Variants in SPAG16 observed in about 807,000 individuals in gnomAD.
SPAG16 encodes sperm-associated antigen 16 protein.
In SPAG16, 86 loss-of-function variants were observed where a neutral mutation model predicts 80.4. That is an observed-to-expected ratio of 1.07 (90% confidence interval 0.90 to 1.28). The LOEUF (loss-of-function observed/expected upper bound fraction) is 1.28, where lower values mean the gene tolerates loss of function less well. Ranked by LOEUF, SPAG16 falls within the 50% of genes most tolerant of loss-of-function variation. The pLI is 0.00. For synonymous variants in SPAG16, 294 were observed against 265.9 expected (o/e 1.11, Z -1.03); for missense variants, 870 against 765.3 (o/e 1.14, Z -1.61).
At chr2:214,049,180 G>T (rs1335155083) in intron 13 of SPAG16, among the ~76,000 whole-genome samples, 1 of 152,186 alleles carries the variant, frequency 6.6e-6, no homozygotes, top group East Asian at 1.9e-4. Context: ...TTTCAAAGGA[G>T]AAAATGTGCT....
chr2:213,833,801 T>C (rs2073932663), intron 10 of SPAG16, among the ~76,000 whole-genome samples: 1 of 150,236 alleles, frequency 6.7e-6, no homozygotes, highest in African/African-American at 2.5e-5. Context: ...CCATTTCCTC[T>C]GTCTCTTCAT....
At chr2:214,211,329 A>G (rs2058287659) in intron 15 of SPAG16, among the ~76,000 whole-genome samples, 1 of 152,184 alleles carries the variant, frequency 6.6e-6, no homozygotes, top group Admixed American at 6.5e-5. Context: ...TATTTTTAAC[A>G]TGGTTCTCAA....
chr2:213,361,010 T>C (rs1389094781), intron 7 of SPAG16, among the ~76,000 whole-genome samples: 8 of 152,144 alleles, frequency 5.3e-5, no homozygotes, highest in Admixed American at 3.3e-4. Context: ...CTTAAACCTA[T>C]ACCTTGCATA....
chr2:213,645,884 G>A (rs934171419), intron 10 of SPAG16, among the ~76,000 whole-genome samples: 11 of 152,218 alleles, frequency 7.2e-5, no homozygotes, highest in East Asian at 1.9e-4. Flanking sequence ...AGACAAGAGC[G>A]CTGTAGCCAT....
intron 7 of SPAG16, among the ~76,000 whole-genome samples, chr2:213,357,844 C>T (rs1178730398): frequency 6.6e-6 from 1 of 152,212 alleles, no homozygotes; most frequent in Non-Finnish European, 1.5e-5. Context: ...GCAGTTTCTT[C>T]ATAGCATTGA....
At chr2:213,641,427 C>T (rs552656634) in intron 10 of SPAG16, among the ~76,000 whole-genome samples, 28 of 152,346 alleles carry the variant, frequency 1.8e-4, no homozygotes, top group African/African-American at 6.5e-4. Flanking sequence ...CTTATGTCTG[C>T]ACTTTGCATT....
intron 9 of SPAG16, among the ~76,000 whole-genome samples, chr2:213,395,797 C>A (rs184972692): frequency 6.6e-6 from 1 of 152,320 alleles, no homozygotes; most frequent in Non-Finnish European, 1.5e-5. Context: ...TGAGTCTACA[C>A]CACTTTGGCT....
intron 15 of SPAG16, among the ~76,000 whole-genome samples, chr2:214,231,662 G>T (rs1688714132): frequency 6.6e-6 from 1 of 152,052 alleles, no homozygotes; most frequent in South Asian, 2.1e-4. Context: ...GAAAAGAGGT[G>T]ATAGGATAAG....
At chr2:213,889,882 G>A (rs1439927471) in intron 11 of SPAG16, among the ~76,000 whole-genome samples, 2 of 151,662 alleles carry the variant, frequency 1.3e-5, no homozygotes, top group African/African-American at 2.4e-5. Context: ...TACTGCTACA[G>A]CATTGTAAAG....
chr2:213,628,228 T>G (rs777477505), intron 10 of SPAG16, among the ~76,000 whole-genome samples: 2 of 152,254 alleles, frequency 1.3e-5, no homozygotes, highest in African/African-American at 2.4e-5. Context: ...CCTTTTCTTA[T>G]GAGGTCAGGA....
chr2:214,266,682 G>GA (rs371905997), intron 15 of SPAG16, among the ~76,000 whole-genome samples: 13 of 151,254 alleles, frequency 8.6e-5, no homozygotes, highest in Non-Finnish European at 1.5e-5. Context: ...TGATGTTATA[G>GA]AAAAAATATT....
chr2:213,746,294 C>T (rs989435723), intron 10 of SPAG16, among the ~76,000 whole-genome samples: 5 of 152,180 alleles, frequency 3.3e-5, no homozygotes, highest in Admixed American at 1.3e-4. Context: ...CAGTAATACT[C>T]TCTGAAAAAC....
intron 15 of SPAG16, among the ~76,000 whole-genome samples, chr2:214,246,235 A>T (rs1689838022): frequency 7.0e-6 from 1 of 142,992 alleles, no homozygotes. Context: ...AAACGCACAA[A>T]TTATGAGGAC....
intron 12 of SPAG16, among the ~76,000 whole-genome samples, chr2:213,990,253 A>G (rs1156708633): frequency 1.3e-5 from 2 of 152,264 alleles, no homozygotes; most frequent in South Asian, 2.1e-4. Context: ...TATGGGTGCT[A>G]AACTTCCCTT....
intron 10 of SPAG16, among the ~76,000 whole-genome samples, chr2:213,728,318 A>T (rs1054572406): frequency 6.6e-6 from 1 of 152,178 alleles, no homozygotes; most frequent in Non-Finnish European, 1.5e-5. Context: ...CAGAGTGTCT[A>T]CTGCCTCCTT....
chr2:214,102,718 A>G (rs1309191253), intron 13 of SPAG16, among the ~76,000 whole-genome samples: 1 of 152,084 alleles, frequency 6.6e-6, no homozygotes, highest in Non-Finnish European at 1.5e-5. Context: ...GTCTGGAGCA[A>G]ATTCAGCCTT....
intron 8 of SPAG16, among the ~76,000 whole-genome samples, chr2:213,370,565 GA>G (rs11362871): frequency 0.083 from 12,664 of 152,152 alleles, 1,757 homozygotes; most frequent in African/African-American, 0.29. Flanking sequence ...TAAATAGTCT[GA>G]AAAAGAATAT....
intron 15 of SPAG16, among the ~76,000 whole-genome samples, chr2:214,264,834 A>G (rs1451399269): frequency 6.6e-6 from 1 of 151,826 alleles, no homozygotes; most frequent in Non-Finnish European, 1.5e-5. Context: ...TACTGTCTCT[A>G]TATTTTTGCC....
chr2:213,446,503 C>T (rs528012991), intron 9 of SPAG16, among the ~76,000 whole-genome samples: 13 of 152,264 alleles, frequency 8.5e-5, no homozygotes, highest in South Asian at 4.2e-4. Flanking sequence ...AGCTCTAATA[C>T]GGCTCCTTTG....
Sources: allele counts gnomAD v4.1 joint callset (sites outside exome capture counted in the v4.1 genomes callset), GRCh38; gene constraint gnomAD v4.1.1; transcripts MANE v1.5; gene names NCBI Gene and HGNC (gene_info 2026-07-23, HGNC 2026-07-21).